Variants in POFUT3 observed in about 807,000 individuals in gnomAD.
POFUT3 encodes the protein protein O-fucosyltransferase 3.
At chr8:33,412,681 G>A in the POFUT3 span, among the ~76,000 whole-genome samples, 27 of 152,324 alleles carry the variant, frequency 1.8e-4, no homozygotes, top group Non-Finnish European at 2.2e-4. Context: ...AGGCTGGAGT[G>A]CAGTGGCACA....
the POFUT3 span, among the ~76,000 whole-genome samples, chr8:33,448,088 C>T: frequency 1.3e-3 from 201 of 152,186 alleles, 1 homozygote; most frequent in African/African-American, 4.7e-3. Context: ...ACCTGTAATC[C>T]CAATACTTTG....
chr8:33,413,861 A>G, the POFUT3 span, among the ~76,000 whole-genome samples: 1 of 152,362 alleles, frequency 6.6e-6, no homozygotes, highest in Non-Finnish European at 1.5e-5. Context: ...ATAATTGGAT[A>G]TAAAGATGAA....
chr8:33,400,117 T>C, the POFUT3 span, among the ~76,000 whole-genome samples: 1 of 149,522 alleles, frequency 6.7e-6, no homozygotes. Context: ...AAAGTTCCCT[T>C]TGTTAAGTTC....
chr8:33,322,674 C>T, the POFUT3 span, among the ~76,000 whole-genome samples: 2 of 152,100 alleles, frequency 1.3e-5, no homozygotes, highest in Non-Finnish European at 2.9e-5. Flanking sequence ...AACAGGCAAT[C>T]TAATCCACTT....
the POFUT3 span, among the ~76,000 whole-genome samples, chr8:33,382,074 C>T: frequency 1.3e-5 from 2 of 152,130 alleles, no homozygotes; most frequent in African/African-American, 4.8e-5. Flanking sequence ...GGGCACATTG[C>T]TTGAGCTAAG....
chr8:33,319,191 T>A, the POFUT3 span, among the ~76,000 whole-genome samples: 3 of 66,386 alleles, frequency 4.5e-5, no homozygotes, highest in African/African-American at 1.4e-4. Flanking sequence ...TAAAATATAT[T>A]TATATATTTT....
the POFUT3 span, among the ~76,000 whole-genome samples, chr8:33,465,131 A>G: frequency 6.6e-6 from 1 of 152,194 alleles, no homozygotes. Flanking sequence ...CCCTTGCATA[A>G]CAGAAAGATT....
the POFUT3 span, among the ~76,000 whole-genome samples, chr8:33,380,845 A>C: frequency 1.3e-5 from 2 of 151,752 alleles, no homozygotes; most frequent in Non-Finnish European, 2.9e-5. Flanking sequence ...TCAAAAAAAA[A>C]AAAAAATGCC....
chr8:33,389,794 A>C, the POFUT3 span: 2 of 1,598,202 alleles, frequency 1.3e-6, no homozygotes, highest in Non-Finnish European at 1.7e-6. Flanking sequence ...TGTTAAAGTC[A>C]GTACCTAGGA....
chr8:33,319,874 G>GAT, the POFUT3 span, among the ~76,000 whole-genome samples: 6 of 145,750 alleles, frequency 4.1e-5, no homozygotes, highest in African/African-American at 1.5e-4. Flanking sequence ...AGGTGAAGAA[G>GAT]GTATAGCTAG....
the POFUT3 span, among the ~76,000 whole-genome samples, chr8:33,405,481 T>A: frequency 6.6e-6 from 1 of 151,178 alleles, no homozygotes; most frequent in Non-Finnish European, 1.5e-5. Context: ...CATTCAGTTA[T>A]TCTTTACAAA....
At chr8:33,375,119 T>C in the POFUT3 span, among the ~76,000 whole-genome samples, 1 of 152,108 alleles carries the variant, frequency 6.6e-6, no homozygotes, top group Non-Finnish European at 1.5e-5. Context: ...CTTGAAATCC[T>C]GACCTCAGGT....
At chr8:33,400,960 A>T in the POFUT3 span, among the ~76,000 whole-genome samples, 1 of 151,952 alleles carries the variant, frequency 6.6e-6, no homozygotes, top group Non-Finnish European at 1.5e-5. Flanking sequence ...CTAGACTCAT[A>T]TTCTTTTTGT....
chr8:33,383,659 CGTG>C, the POFUT3 span, among the ~76,000 whole-genome samples: 1 of 151,964 alleles, frequency 6.6e-6, no homozygotes, highest in East Asian at 1.9e-4. Flanking sequence ...ATTAGCTGGG[CGTG>C]GTGGTGCACA....
the POFUT3 span, among the ~76,000 whole-genome samples, chr8:33,437,586 G>A: frequency 6.6e-6 from 1 of 152,128 alleles, no homozygotes; most frequent in Non-Finnish European, 1.5e-5. Flanking sequence ...TGAGGCAGAA[G>A]GATCACTTGA....
chr8:33,421,382 C>T, the POFUT3 span, among the ~76,000 whole-genome samples: 1 of 152,260 alleles, frequency 6.6e-6, no homozygotes, highest in South Asian at 2.1e-4. Context: ...ATGCCATATT[C>T]TCTCTTCTTG....
At chr8:33,456,128 T>C in the POFUT3 span, among the ~76,000 whole-genome samples, 2 of 152,262 alleles carry the variant, frequency 1.3e-5, no homozygotes, top group East Asian at 3.9e-4. Context: ...GGGAGATGAC[T>C]TGTAGCCACA....
chr8:33,345,294 G>C, the POFUT3 span, among the ~76,000 whole-genome samples: 6 of 151,962 alleles, frequency 3.9e-5, no homozygotes, highest in Non-Finnish European at 5.9e-5. Context: ...AAAAGAGCTC[G>C]AGAGTGAGAG....
the POFUT3 span, among the ~76,000 whole-genome samples, chr8:33,318,549 A>C: frequency 9.4e-6 from 1 of 105,994 alleles, no homozygotes; most frequent in Non-Finnish European, 1.7e-5. Flanking sequence ...TAGCTATTTT[A>C]TATAAATATA....
Sources: gnomAD v4.1 joint callset for allele counts (sites outside exome capture counted in the v4.1 genomes callset) on GRCh38, gnomAD v4.1.1 for gene constraint, MANE v1.5 for transcripts, NCBI Gene and HGNC (gene_info 2026-07-23, HGNC 2026-07-21) for gene names.